The following IGSF21 variants were observed in gnomAD, a reference collection of about 807,000 sequenced individuals.
IGSF21 encodes the protein immunoglobulin superfamily member 21.
IGSF21 carries 28 observed loss-of-function variants against 46.8 expected under a neutral mutation model. The ratio of observed to expected loss-of-function variants is 0.60; its 90% confidence interval spans 0.44 to 0.82. The LOEUF (loss-of-function observed/expected upper bound fraction) is 0.82, where lower values mean the gene tolerates loss of function less well. IGSF21 is among the 40% of genes least tolerant of loss of function. The pLI is 0.00. For missense variants in IGSF21, 624 were observed against 665.5 expected (o/e 0.94, Z 0.69); for synonymous variants, 284 against 273.6 (o/e 1.04, Z -0.38).
intron 1 of IGSF21, among the ~76,000 whole-genome samples, chr1:18,156,850 G>A (rs556587437): frequency 9.9e-5 from 15 of 152,284 alleles, no homozygotes; most frequent in African/African-American, 2.9e-4. Context: ...AGCAGTTCCC[G>A]TCAAAAAGAC....
At chr1:18,227,695 G>C (rs747679536) in intron 1 of IGSF21, among the ~76,000 whole-genome samples, 5 of 151,900 alleles carry the variant, frequency 3.3e-5, no homozygotes, top group Non-Finnish European at 5.9e-5. Flanking sequence ...GTTGAAGAGA[G>C]GGAAGAAGAG....
intron 3 of IGSF21, among the ~76,000 whole-genome samples, chr1:18,305,519 T>TGGATGGAG (rs2085415327): frequency 7.3e-6 from 1 of 137,234 alleles, no homozygotes; most frequent in Non-Finnish European, 1.6e-5. Flanking sequence ...GATGAATGGA[T>TGGATGGAG]GGATGGATTA....
chr1:18,264,880 C>G (rs1569668938), intron 2 of IGSF21, among the ~76,000 whole-genome samples: 1 of 152,158 alleles, frequency 6.6e-6, no homozygotes, highest in Admixed American at 6.5e-5. Context: ...GAAGACAGGG[C>G]CTGCTTTGCA....
chr1:18,364,740 T>C (rs948880332), intron 5 of IGSF21, among the ~76,000 whole-genome samples: 1 of 152,060 alleles, frequency 6.6e-6, no homozygotes, highest in Non-Finnish European at 1.5e-5. Context: ...ACAGAGATTC[T>C]TTCTTCCCTC....
At chr1:18,320,029 G>T (rs1020418565) in intron 3 of IGSF21, among the ~76,000 whole-genome samples, 28 of 152,322 alleles carry the variant, frequency 1.8e-4, no homozygotes, top group African/African-American at 6.3e-4. Flanking sequence ...TATGTTGGAT[G>T]CATGAATGAC....
intron 1 of IGSF21, among the ~76,000 whole-genome samples, chr1:18,193,297 C>T (rs898304740): frequency 3.9e-5 from 6 of 152,182 alleles, no homozygotes; most frequent in Non-Finnish European, 8.8e-5. Flanking sequence ...TTACAGGGCC[C>T]TGTGGGCCAA....
rs992712693 is a variant in IGSF21 at position 18,322,722 on chromosome 1, C to T, written c.306-12170C>T. 1.3e-5 allele frequency among the ~76,000 whole-genome samples: 2 copies of T among 152,180 alleles called. No individual in the cohort carries two copies. The highest frequency in any genetic ancestry group is 4.8e-5 in the African/African-American group (2 of 41,440). On this transcript the variant is annotated intron_variant, in intron 3 of 9. Transcript: ENST00000251296. This position sits in a 1 kb window ranked among gnomAD's most constrained non-coding sequence, Gnocchi z 4.3. ...CTGGGCCCTCCCGCCCCTGCCCACC[C>T]CTGAACCCAGAGCCTGAGTCCAACA...
intron 1 of IGSF21, among the ~76,000 whole-genome samples, chr1:18,171,245 TCA>T (rs1246989381): frequency 1.3e-5 from 2 of 152,038 alleles, no homozygotes; most frequent in Non-Finnish European, 2.9e-5. Context: ...GAGGAGGCAT[TCA>T]CAGATTCACA....
At chr1:18,240,845 C>A (rs1419651921) in intron 2 of IGSF21, among the ~76,000 whole-genome samples, 1 of 152,194 alleles carries the variant, frequency 6.6e-6, no homozygotes, top group African/African-American at 2.4e-5. Flanking sequence ...GAGCTATTGA[C>A]CCTATTTGTT....
In IGSF21 at chr1:18,245,677, G is replaced by A. The variant is rs562546528; in HGVS notation, c.183+17667G>A. Among the ~76,000 whole-genome samples the A allele has an allele frequency of 3.9e-5, 6 of 152,286 alleles. No homozygotes were observed. In the East Asian group the frequency reaches 7.7e-4, roughly 20 times the overall value. On this transcript the variant is annotated intron_variant, in intron 2 of 9. Coordinates refer to ENST00000251296, the MANE Select transcript of IGSF21 (RefSeq NM_032880.5). ...TTTTAGATCTATTGCATTTAGCAAT[G>A]AGCAAGCATGTGTTGAGTGCCTACT... is the stretch of plus-strand genomic sequence containing the variant.
At chr1:18,267,354 G>A (rs1010537295) in intron 2 of IGSF21, among the ~76,000 whole-genome samples, 2 of 152,162 alleles carry the variant, frequency 1.3e-5, no homozygotes, top group African/African-American at 2.4e-5. Flanking sequence ...TAGAAGGTGA[G>A]CATCAGGGTG....
intron 1 of IGSF21, among the ~76,000 whole-genome samples, chr1:18,193,284 T>C (rs57314234): frequency 0.013 from 1,947 of 152,278 alleles, 34 homozygotes; most frequent in African/African-American, 0.043. Context: ...CAGGGGCCAG[T>C]GCTTACAGGG....
chr1:18,156,282 C>T (rs191306147), intron 1 of IGSF21, among the ~76,000 whole-genome samples: 34 of 152,298 alleles, frequency 2.2e-4, no homozygotes, highest in South Asian at 2.1e-3. Flanking sequence ...CAGGCTGGAC[C>T]GGGCACTCCT....
intron 1 of IGSF21, among the ~76,000 whole-genome samples, chr1:18,186,972 C>T (rs948472095): frequency 1.3e-5 from 2 of 152,198 alleles, no homozygotes; most frequent in Non-Finnish European, 2.9e-5. Context: ...TAACCATCAT[C>T]CCTCCTGTGA....
intron 1 of IGSF21, chr1:18,110,807 A>C (rs1267992301): frequency 6.6e-6 from 1 of 152,502 alleles, no homozygotes; most frequent in African/African-American, 2.4e-5. Context: ...GAAGTCCTGC[A>C]CTGGAGCCTG....
intron 4 of IGSF21, among the ~76,000 whole-genome samples, chr1:18,339,626 G>A (rs2085807907): frequency 6.6e-6 from 1 of 152,216 alleles, no homozygotes; most frequent in Admixed American, 6.5e-5. Flanking sequence ...TCAGGAGGCT[G>A]AGGTGGGAGG....
intron 1 of IGSF21, among the ~76,000 whole-genome samples, chr1:18,200,921 T>C (rs1327228741): frequency 6.6e-6 from 1 of 152,214 alleles, no homozygotes; most frequent in African/African-American, 2.4e-5. Flanking sequence ...CCACCTTTGC[T>C]CTTCTGCTGC....
chr1:18,358,122 G>A (rs1004423497), intron 4 of IGSF21, among the ~76,000 whole-genome samples: 9 of 151,792 alleles, frequency 5.9e-5, no homozygotes, highest in African/African-American at 1.9e-4. Context: ...TCCTAGCCAG[G>A]ATTTGGAAGG....
chr1:18,299,091 G>C (rs2085338323), intron 3 of IGSF21, among the ~76,000 whole-genome samples: 1 of 152,204 alleles, frequency 6.6e-6, no homozygotes, highest in African/African-American at 2.4e-5. Context: ...GGTGATGCTG[G>C]CATTTGAAGT....
Sources: gnomAD v4.1 joint callset for allele counts (sites outside exome capture counted in the v4.1 genomes callset) on GRCh38, gnomAD v4.1.1 for gene constraint, Gnocchi (gnomAD v3.1) non-coding constraint, MANE v1.5 for transcripts, NCBI Gene and HGNC (gene_info 2026-07-23, HGNC 2026-07-21) for gene names.